CEP128: variants seen among roughly 807,000 people sequenced by gnomAD.
CEP128 encodes centrosomal protein 128.
In CEP128, 132 loss-of-function variants were observed where a neutral mutation model predicts 156.7. The observed-to-expected ratio is 0.84, with a 90% CI of 0.73 to 0.97. The LOEUF is 0.97. Among genes scored for constraint, CEP128 ranks in the 50% least tolerant of loss-of-function variants. CEP128 has a pLI of 0.00. For synonymous variants in CEP128, 469 were observed against 448.9 expected (o/e 1.04, Z -0.57); for missense variants, 1,252 against 1,281.9 (o/e 0.98, Z 0.36).
At chr14:80,477,151 A>G (rs1886960411) in exon 15 of CEP128, 1 of 152,176 alleles carries the variant, frequency 6.6e-6, no homozygotes, top group African/African-American at 2.4e-5. Context: ...ACTCATTAAT[A>G]CACCTCCAAA....
chr14:80,956,272 T>C (rs997844468), intron 2 of CEP128, among the ~76,000 whole-genome samples: 5 of 152,258 alleles, frequency 3.3e-5, no homozygotes, highest in African/African-American at 1.2e-4. Context: ...TTTGTTTCTC[T>C]AGATGGGAGG....
downstream of CEP128, among the ~76,000 whole-genome samples, chr14:80,495,301 T>G (rs1289701427): frequency 1.3e-5 from 2 of 152,178 alleles, no homozygotes; most frequent in East Asian, 3.9e-4. Context: ...GCATTCTTTT[T>G]GATTTCCAAC....
At chr14:80,832,543 G>A (rs185583562) in intron 12 of CEP128, among the ~76,000 whole-genome samples, 27 of 152,272 alleles carry the variant, frequency 1.8e-4, no homozygotes, top group Non-Finnish European at 2.6e-4. Flanking sequence ...TGATAAGAGC[G>A]CTGATACATA....
intron 19 of CEP128, among the ~76,000 whole-genome samples, chr14:80,656,454 A>G (rs1262484085): frequency 6.7e-6 from 1 of 150,352 alleles, no homozygotes; most frequent in Non-Finnish European, 1.5e-5. Context: ...AAGCAAGGGC[A>G]TGCCACCAGC....
intron 23 of CEP128, among the ~76,000 whole-genome samples, chr14:80,514,832 C>A (rs140471028): frequency 6.6e-6 from 1 of 152,092 alleles, no homozygotes; most frequent in Admixed American, 6.5e-5. Context: ...GTAGTCTCGG[C>A]AGTCTAGGTT....
At chr14:80,812,561 GGTT>G (rs200327964) in intron 13 of CEP128, among the ~76,000 whole-genome samples, 2 of 151,800 alleles carry the variant, frequency 1.3e-5, no homozygotes, top group African/African-American at 2.4e-5. Context: ...CCTTGCCTCT[GGTT>G]GTTGTTGTTG....
intron 19 of CEP128, among the ~76,000 whole-genome samples, chr14:80,691,651 C>T (rs28702417): frequency 0.069 from 10,502 of 152,168 alleles, 1,187 homozygotes; most frequent in African/African-American, 0.24. Context: ...AACTTATTTA[C>T]TAAATTTTCA....
At chr14:80,811,447 TTTTG>T (rs34434545) in intron 13 of CEP128, among the ~76,000 whole-genome samples, 9,871 of 152,152 alleles carry the variant, frequency 0.065, 1,064 homozygotes, top group African/African-American at 0.23. Context: ...AGTTTTTGAT[TTTTG>T]TTTGTTTCTT....
At chr14:80,634,829 T>G (rs145818440) in intron 19 of CEP128, among the ~76,000 whole-genome samples, 224 of 152,312 alleles carry the variant, frequency 1.5e-3, no homozygotes, top group Admixed American at 5.1e-3. Flanking sequence ...CTCTACATTT[T>G]CTCTCCTCTC....
At chr14:80,547,540 G>T (rs1402655519) in intron 21 of CEP128, among the ~76,000 whole-genome samples, 1 of 152,100 alleles carries the variant, frequency 6.6e-6, no homozygotes, top group Non-Finnish European at 1.5e-5. Flanking sequence ...AGGGTGAGGG[G>T]TATTGACAAG....
At chr14:80,709,317 T>C (rs1249406235) in intron 19 of CEP128, among the ~76,000 whole-genome samples, 1 of 152,034 alleles carries the variant, frequency 6.6e-6, no homozygotes, top group Non-Finnish European at 1.5e-5. Context: ...TTTGTATTTT[T>C]AGTACAGATG....
intron 19 of CEP128, among the ~76,000 whole-genome samples, chr14:80,674,814 A>C (rs1266297238): frequency 2.6e-5 from 4 of 152,124 alleles, no homozygotes; most frequent in Non-Finnish European, 4.4e-5. Flanking sequence ...CAAATGGCTT[A>C]ACCACTAGAG....
chr14:80,481,093 G>A (rs763814529), intron 14 of CEP128, among the ~76,000 whole-genome samples: 9 of 152,094 alleles, frequency 5.9e-5, no homozygotes, highest in Non-Finnish European at 1.3e-4. Flanking sequence ...TATGTTTTCA[G>A]CAACTCCCCA....
chr14:80,787,731 C>A (rs1206958476), intron 14 of CEP128, among the ~76,000 whole-genome samples: 1 of 152,090 alleles, frequency 6.6e-6, no homozygotes, highest in African/African-American at 2.4e-5. Flanking sequence ...GCCCCCTTGG[C>A]ATGAGTTGAG....
chr14:80,509,684 G>A (rs1888152634), intron 23 of CEP128, among the ~76,000 whole-genome samples: 2 of 152,030 alleles, frequency 1.3e-5, no homozygotes, highest in African/African-American at 2.4e-5. Context: ...TGTACTTCTG[G>A]GGTATTCCTC....
chr14:80,646,350 CA>C (rs761305918), intron 19 of CEP128, among the ~76,000 whole-genome samples: 21 of 150,266 alleles, frequency 1.4e-4, no homozygotes, highest in East Asian at 3.9e-4. Context: ...AAAATGAAGT[CA>C]TTTTTTTTTT....
chr14:80,946,158 G>A (rs1886337203), upstream of CEP128, among the ~76,000 whole-genome samples: 1 of 152,162 alleles, frequency 6.6e-6, no homozygotes, highest in African/African-American at 2.4e-5. Flanking sequence ...ACTAAGCCTA[G>A]TGTCTAATTC....
At chr14:80,482,688 G>A (rs1012407021) in intron 14 of CEP128, among the ~76,000 whole-genome samples, 12 of 152,104 alleles carry the variant, frequency 7.9e-5, no homozygotes, top group African/African-American at 2.9e-4. Flanking sequence ...CCGAACCTTG[G>A]GAAGCTCAAA....
chr14:80,748,787 T>A (rs1341083045), intron 18 of CEP128, among the ~76,000 whole-genome samples: 1 of 152,120 alleles, frequency 6.6e-6, no homozygotes, highest in Non-Finnish European at 1.5e-5. Context: ...AGGGACTTTG[T>A]CTTTCAACAT....
Sources: allele counts gnomAD v4.1 joint callset (sites outside exome capture counted in the v4.1 genomes callset), GRCh38; gene constraint gnomAD v4.1.1; transcripts MANE v1.5; gene names NCBI Gene and HGNC (gene_info 2026-07-23, HGNC 2026-07-21).